KCNMA1: variants seen among roughly 807,000 people sequenced by gnomAD.
KCNMA1 encodes the protein Calcium-activated potassium channel subunit alpha-1.
A neutral mutation model predicts 140.0 loss-of-function variants in KCNMA1; 29 were observed. The ratio of observed to expected loss-of-function variants is 0.21; its 90% CI spans 0.15 to 0.28. The LOEUF (loss-of-function observed/expected upper bound fraction) is 0.28, where lower values mean the gene tolerates loss of function less well. KCNMA1 is among the 10% of genes least tolerant of loss of function. The probability of loss-of-function intolerance (pLI) is 1.00; values close to 1 mark genes in which losing one functional copy is unlikely to be tolerated. For synonymous variants in KCNMA1, 612 were observed against 611.9 expected (o/e 1.00, Z 0.00); for missense variants, 880 against 1,602.2 (o/e 0.55, Z 7.70).
chr10:77,225,640 C>T (rs529495456), intron 3 of KCNMA1, among the ~76,000 whole-genome samples: 11 of 152,292 alleles, frequency 7.2e-5, no homozygotes, highest in South Asian at 2.1e-4. Context: ...CTGCGGCTGT[C>T]GTAGGTGCCC....
intron 2 of KCNMA1, among the ~76,000 whole-genome samples, chr10:77,328,688 T>C (rs2085156025): frequency 6.6e-6 from 1 of 152,164 alleles, no homozygotes; most frequent in Non-Finnish European, 1.5e-5. Context: ...ATGCAAATGG[T>C]ATCAACAAAA....
chr10:77,073,068 T>C (rs762990511), intron 14 of KCNMA1, 29 bp downstream of exon 14: 2 of 1,609,416 alleles, frequency 1.2e-6, no homozygotes. Context: ...AATCCCGAGC[T>C]AATGTGCTCT....
rs2078626241 is a variant in KCNMA1, at chr10:77,590,246, G to A, written c.378+47019C>T. Among the ~76,000 whole-genome samples the A allele has an allele frequency of 2.0e-5, 3 of 152,268 alleles. No homozygotes were observed. The South Asian group carries it at 6.2e-4, about 31-fold the overall frequency. ...CAGTGGATCCCGCACCGGGGCCGCAGGTGGAGCTGCCTGCCAGTCCCGCGC... is the reference window on the plus strand; with the variant it reads ...CAGTGGATCCCGCACCGGGGCCGCAAGTGGAGCTGCCTGCCAGTCCCGCGC... On this transcript the variant is annotated intron_variant, in intron 1 of 27. Coordinates refer to ENST00000286628, the MANE Select transcript of KCNMA1 (RefSeq NM_001161352.2).
intron 2 of KCNMA1, among the ~76,000 whole-genome samples, chr10:77,339,209 A>T (rs892212650): frequency 4.0e-5 from 6 of 151,540 alleles, no homozygotes; most frequent in Non-Finnish European, 7.4e-5. Flanking sequence ...TTCCATGCCC[A>T]TCTCAGCTGA....
intron 18 of KCNMA1, among the ~76,000 whole-genome samples, chr10:77,007,660 T>TATATATATATATATATATAC (rs2089436050): frequency 8.5e-6 from 1 of 118,078 alleles, no homozygotes; most frequent in Non-Finnish European, 1.9e-5. Context: ...TGTGTATATA[T>TATATATATATATATATATAC]ATATATATAT....
chr10:76,964,712 G>A (rs1252313964), intron 20 of KCNMA1, among the ~76,000 whole-genome samples: 5 of 152,180 alleles, frequency 3.3e-5, no homozygotes, highest in Non-Finnish European at 7.3e-5. Context: ...AGGCTCTGAT[G>A]TGAGAAGTCC....
At chr10:77,524,808 G>C (rs1378764818) in intron 1 of KCNMA1, among the ~76,000 whole-genome samples, 2 of 152,190 alleles carry the variant, frequency 1.3e-5, no homozygotes, top group African/African-American at 2.4e-5. Context: ...TAGCTGGTAA[G>C]AGAAGGCTCT....
At chr10:77,338,459 C>T (rs916666629) in intron 2 of KCNMA1, among the ~76,000 whole-genome samples, 1 of 152,174 alleles carries the variant, frequency 6.6e-6, no homozygotes, top group African/African-American at 2.4e-5. Flanking sequence ...CAGCGAAAAT[C>T]CTCCCCTGCA....
intron 1 of KCNMA1, among the ~76,000 whole-genome samples, chr10:77,437,706 T>C (rs1365077313): frequency 6.6e-6 from 1 of 152,180 alleles, no homozygotes; most frequent in East Asian, 1.9e-4. Flanking sequence ...TGGCAGGGGC[T>C]AGTCACCCAC....
In KCNMA1 at chr10:76,887,518, G is replaced by A; in HGVS notation, c.3462-3C>T. 1 of 1,614,114 alleles carries A rather than the reference G, an allele frequency of 6.2e-7. No homozygotes were observed. Among genetic ancestry groups the A allele is most frequent in the Non-Finnish European group, 8.5e-7 (1 of 1,179,998 alleles). ...AGGGCGGGTTGGTGATGACATACCT[G>A]GACAGGGAAAGCAGAGATGTCACCT... On this transcript the variant is annotated splice_region_variant and splice_polypyrimidine_tract_variant and intron_variant, in intron 27 of 27. Transcript: ENST00000286628.
At chr10:76,995,925 G>C (rs915707355) in intron 19 of KCNMA1, among the ~76,000 whole-genome samples, 12 of 152,088 alleles carry the variant, frequency 7.9e-5, no homozygotes, top group African/African-American at 2.9e-4. Context: ...TCTCCTTCTT[G>C]TTTCCCAATC....
rs1298232645 is a variant in KCNMA1, at chr10:77,073,268, C to T, written c.1594-16G>A. 6.2e-7 allele frequency: 1 copy of T among 1,613,734 alleles called. No homozygotes were observed. Among genetic ancestry groups the T allele is most frequent in the Non-Finnish European group, 8.5e-7 (1 of 1,179,656 alleles). On this transcript the variant is annotated splice_polypyrimidine_tract_variant and intron_variant, in intron 13 of 27. Coordinates refer to ENST00000286628, the MANE Select transcript of KCNMA1 (RefSeq NM_001161352.2). ...GCAGATGGGCCTGGGGAAAGAAAAG[C>T]AGGTATGAGACCTTGCTCTGTTAAA... is the stretch of plus-strand genomic sequence containing the variant.
intron 1 of KCNMA1, among the ~76,000 whole-genome samples, chr10:77,622,037 T>G (rs2091535279): frequency 6.6e-6 from 1 of 152,224 alleles, no homozygotes; most frequent in Non-Finnish European, 1.5e-5. Flanking sequence ...TGTCATCTGA[T>G]GTGAATCTCA....
chr10:77,092,674 G>A (rs749807059), intron 9 of KCNMA1, among the ~76,000 whole-genome samples: 153 of 152,326 alleles, frequency 1.0e-3, no homozygotes, highest in Non-Finnish European at 1.4e-3. Context: ...CCACCCAGCC[G>A]GCCTCCTGTG....
intron 3 of KCNMA1, among the ~76,000 whole-genome samples, chr10:77,189,389 G>C (rs578087561): frequency 1.3e-5 from 2 of 152,110 alleles, no homozygotes; most frequent in East Asian, 3.9e-4. Flanking sequence ...ATGCGAACAA[G>C]GGGGTGAAAA....
chr10:77,155,225 TAAAG>T (rs138288868), intron 5 of KCNMA1, among the ~76,000 whole-genome samples: 54 of 152,268 alleles, frequency 3.5e-4, no homozygotes, highest in African/African-American at 1.3e-3. Flanking sequence ...TGCAAACAAC[TAAAG>T]AAAGGAGATG....
intron 20 of KCNMA1, among the ~76,000 whole-genome samples, chr10:76,955,161 A>G (rs2067722351): frequency 6.6e-6 from 1 of 150,686 alleles, no homozygotes. Context: ...TTGAAATTCT[A>G]TATTTCAACA....
intron 1 of KCNMA1, among the ~76,000 whole-genome samples, chr10:77,441,689 CCT>C (rs2097403192): frequency 6.6e-6 from 1 of 152,120 alleles, no homozygotes; most frequent in Non-Finnish European, 1.5e-5. Context: ...AACTCTCTCC[CCT>C]CTCTTCCCTC....
intron 1 of KCNMA1, chr10:77,635,685 C>T (rs1023206569): frequency 6.6e-6 from 1 of 152,222 alleles, no homozygotes; most frequent in Non-Finnish European, 1.5e-5. Context: ...GGTTTGCCTC[C>T]TTAACAAATA....
Sources: gnomAD v4.1 joint callset for allele counts (sites outside exome capture counted in the v4.1 genomes callset) on GRCh38, gnomAD v4.1.1 for gene constraint, MANE v1.5 for transcripts, NCBI Gene and HGNC (gene_info 2026-07-23, HGNC 2026-07-21) for gene names.